NELL2: variants seen among roughly 807,000 people sequenced by gnomAD.
NELL2 encodes the protein neural EGFL like 2.
NELL2 carries 41 observed loss-of-function variants against 109.6 expected under a neutral mutation model. The observed-to-expected ratio is 0.37, with a 90% CI of 0.29 to 0.49. The LOEUF (loss-of-function observed/expected upper bound fraction) is 0.49. NELL2 is among the 20% of genes least tolerant of loss of function. The pLI is 0.98. For synonymous variants in NELL2, 355 were observed against 344.7 expected (o/e 1.03, Z -0.33); for missense variants, 900 against 1,008.3 (o/e 0.89, Z 1.45).
chr12:44,695,041 A>C (rs550821517), intron 12 of NELL2, among the ~76,000 whole-genome samples: 8 of 145,136 alleles, frequency 5.5e-5, no homozygotes, highest in Admixed American at 4.1e-4. Flanking sequence ...AAATGAAGGA[A>C]GGAAGAAAGG....
chr12:44,901,926 C>A (rs1453237140), intron 1 of NELL2, among the ~76,000 whole-genome samples: 1 of 152,142 alleles, frequency 6.6e-6, no homozygotes, highest in Non-Finnish European at 1.5e-5. Flanking sequence ...CTATTTATGA[C>A]AAACCCACAG....
chr12:44,762,223 A>T (rs981756866), intron 9 of NELL2, among the ~76,000 whole-genome samples: 11 of 152,122 alleles, frequency 7.2e-5, no homozygotes, highest in Admixed American at 5.9e-4. Flanking sequence ...TAAACATAAC[A>T]TGTCTAAATT....
At chr12:44,520,803 G>C (rs2138981267) in intron 18 of NELL2, among the ~76,000 whole-genome samples, 1 of 152,164 alleles carries the variant, frequency 6.6e-6, no homozygotes, top group Admixed American at 6.5e-5. Flanking sequence ...AAAATTGTGT[G>C]AATTGGATCT....
intron 15 of NELL2, among the ~76,000 whole-genome samples, chr12:44,589,335 T>C (rs1344761062): frequency 6.6e-6 from 1 of 151,812 alleles, no homozygotes; most frequent in African/African-American, 2.4e-5. Flanking sequence ...AAGACAGTGA[T>C]GAAAAAAATT....
chr12:44,592,560 G>A (rs1188399285), intron 15 of NELL2, among the ~76,000 whole-genome samples: 2 of 152,076 alleles, frequency 1.3e-5, no homozygotes, highest in Admixed American at 6.6e-5. Context: ...GAAATTGAGA[G>A]CCACAAGGGA....
At chr12:44,705,893 T>G (rs1937850787) in intron 11 of NELL2, among the ~76,000 whole-genome samples, 1 of 152,208 alleles carries the variant, frequency 6.6e-6, no homozygotes. Context: ...CACCTTTTTT[T>G]CAAAACCTTC....
intron 12 of NELL2, among the ~76,000 whole-genome samples, chr12:44,689,858 C>G (rs1057166219): frequency 6.6e-6 from 1 of 152,046 alleles, no homozygotes; most frequent in Non-Finnish European, 1.5e-5. Flanking sequence ...AAAGAATTAT[C>G]TAGTACAAAA....
At chr12:44,646,391 A>G (rs1947097741) in intron 13 of NELL2, among the ~76,000 whole-genome samples, 1 of 152,218 alleles carries the variant, frequency 6.6e-6, no homozygotes, top group African/African-American at 2.4e-5. Flanking sequence ...GATGGAGAAT[A>G]TGTTCTAAGA....
At chr12:44,530,524 T>A (rs1941999432) in intron 16 of NELL2, among the ~76,000 whole-genome samples, 1 of 152,134 alleles carries the variant, frequency 6.6e-6, no homozygotes, top group Non-Finnish European at 1.5e-5. Flanking sequence ...CCTTGTGCAA[T>A]CCCCTTCCCT....
At chr12:44,651,379 CA>C (rs1345650398) in intron 13 of NELL2, among the ~76,000 whole-genome samples, 2 of 152,130 alleles carry the variant, frequency 1.3e-5, no homozygotes, top group Non-Finnish European at 2.9e-5. Flanking sequence ...ACTTTACTGA[CA>C]AATCTTGTGC....
At chr12:44,738,056 C>T (rs148362702) in intron 9 of NELL2, among the ~76,000 whole-genome samples, 1,744 of 152,250 alleles carry the variant, frequency 0.011, 20 homozygotes, top group Non-Finnish European at 0.018. Context: ...GAGAAGCCCT[C>T]CCTGATTTCC....
At chr12:44,734,670 A>T (rs1233634016) in intron 9 of NELL2, among the ~76,000 whole-genome samples, 1 of 151,954 alleles carries the variant, frequency 6.6e-6, no homozygotes. Context: ...CAATAACTTT[A>T]GGGTCCTTTG....
chr12:44,689,368 T>C (rs1048281055), intron 12 of NELL2, among the ~76,000 whole-genome samples: 3 of 152,164 alleles, frequency 2.0e-5, no homozygotes, highest in Non-Finnish European at 4.4e-5. Flanking sequence ...GACTCAAAAA[T>C]GAAAAAATAA....
chr12:44,724,320 A>G (rs769394919), intron 9 of NELL2, among the ~76,000 whole-genome samples: 66 of 151,726 alleles, frequency 4.3e-4, no homozygotes, highest in Non-Finnish European at 7.4e-4. Flanking sequence ...TGATGGAATC[A>G]TTGGGACCTC....
intron 3 of NELL2, among the ~76,000 whole-genome samples, chr12:44,783,946 C>CTG (rs1445892111): frequency 9.9e-5 from 15 of 151,966 alleles, no homozygotes; most frequent in Non-Finnish European, 2.2e-4. Flanking sequence ...AAATATAATT[C>CTG]AGCAATATAT....
intron 9 of NELL2, among the ~76,000 whole-genome samples, chr12:44,746,716 C>T (rs1275270955): frequency 6.6e-6 from 1 of 152,134 alleles, no homozygotes; most frequent in African/African-American, 2.4e-5. Context: ...CATCACTGGC[C>T]ATCAGAGAAA....
intron 2 of NELL2, among the ~76,000 whole-genome samples, chr12:44,864,800 G>A (rs1318015054): frequency 6.6e-6 from 1 of 152,182 alleles, no homozygotes; most frequent in Non-Finnish European, 1.5e-5. Flanking sequence ...CACACTCCAG[G>A]ATACATCACC....
At chr12:44,670,029 A>T (rs1261706016) in intron 12 of NELL2, among the ~76,000 whole-genome samples, 1 of 152,176 alleles carries the variant, frequency 6.6e-6, no homozygotes, top group African/African-American at 2.4e-5. Context: ...CTATCAGACT[A>T]CCTTGATTTC....
chr12:44,707,810 T>C (rs1385311693), intron 11 of NELL2, among the ~76,000 whole-genome samples: 1 of 152,170 alleles, frequency 6.6e-6, no homozygotes, highest in Admixed American at 6.5e-5. Context: ...AAATTAACTA[T>C]ATAATGGTAT....
Sources: gnomAD v4.1 joint callset for allele counts (sites outside exome capture counted in the v4.1 genomes callset) on GRCh38, gnomAD v4.1.1 for gene constraint, MANE v1.5 for transcripts, NCBI Gene and HGNC (gene_info 2026-07-23, HGNC 2026-07-21) for gene names.